Variants in CPNE8 observed in about 807,000 individuals in gnomAD.
CPNE8 encodes the protein copine 8, also known as copine-8.
In CPNE8, 45 loss-of-function variants were observed where a neutral mutation model predicts 81.5. That is an observed-to-expected ratio of 0.55 (90% CI 0.44 to 0.71). CPNE8 has a LOEUF of 0.71. CPNE8 is among the 30% of genes least tolerant of loss of function. CPNE8 has a pLI of 0.00. For synonymous variants in CPNE8, 252 were observed against 226.3 expected (o/e 1.11, Z -1.02); for missense variants, 594 against 672.1 (o/e 0.88, Z 1.28).
chr12:38,761,157 G>A (rs1166066269), intron 9 of CPNE8, among the ~76,000 whole-genome samples: 2 of 152,174 alleles, frequency 1.3e-5, no homozygotes, highest in Non-Finnish European at 2.9e-5. Context: ...TCCTCAAAGG[G>A]ATGGTATGCA....
chr12:38,812,401 A>G (rs1942952609), intron 6 of CPNE8, among the ~76,000 whole-genome samples: 1 of 152,224 alleles, frequency 6.6e-6, no homozygotes, highest in Non-Finnish European at 1.5e-5. Flanking sequence ...CAGAAAACTT[A>G]CAATCATGGC....
intron 11 of CPNE8, 42 bp downstream of exon 11, chr12:38,730,241 T>C: frequency 8.5e-7 from 1 of 1,182,186 alleles, no homozygotes; most frequent in Non-Finnish European, 1.3e-6. Flanking sequence ...ACAGATTTAT[T>C]TATTCTAGAA....
chr12:38,895,633 C>T (rs1300935189), intron 1 of CPNE8, among the ~76,000 whole-genome samples: 1 of 152,068 alleles, frequency 6.6e-6, no homozygotes, highest in African/African-American at 2.4e-5. Flanking sequence ...AAGCTCTCAC[C>T]AGTAGGGAAC....
rs183962476 is a variant in CPNE8, at chr12:38,783,933, A to G, written c.408-7632T>C. ...GCCCAGACAGTGAAGACTAAAATAAATACCTAACTCTTCAATGCTTCAATG... is the reference window on the plus strand; with the variant it reads ...GCCCAGACAGTGAAGACTAAAATAAGTACCTAACTCTTCAATGCTTCAATG... On this transcript the variant is annotated intron_variant, in intron 6 of 19. Coordinates refer to ENST00000331366, the MANE Select transcript of CPNE8 (RefSeq NM_153634.3). Among the ~76,000 whole-genome samples the G allele has an allele frequency of 3.7e-4, 57 of 152,332 alleles. 1 individual carries two copies. The East Asian group carries it at 0.011, about 28-fold the overall frequency.
At chr12:38,781,997 G>C (rs1303130250) in intron 6 of CPNE8, among the ~76,000 whole-genome samples, 1 of 152,046 alleles carries the variant, frequency 6.6e-6, no homozygotes, top group Non-Finnish European at 1.5e-5. Flanking sequence ...ATGAATTCTG[G>C]TATAAAAAGA....
chr12:38,714,993 G>A (rs1940350540), intron 13 of CPNE8, among the ~76,000 whole-genome samples: 1 of 152,070 alleles, frequency 6.6e-6, no homozygotes, highest in African/African-American at 2.4e-5. Context: ...GTATTTAAAT[G>A]TGTCTTTTCT....
chr12:38,805,461 T>G (rs1159918728), intron 6 of CPNE8, among the ~76,000 whole-genome samples: 1 of 82,462 alleles, frequency 1.2e-5, no homozygotes, highest in Non-Finnish European at 2.4e-5. Context: ...AATTGAACAA[T>G]GAGATCACAT....
At chr12:38,889,880 T>C (rs943246466) in intron 1 of CPNE8, among the ~76,000 whole-genome samples, 1 of 152,112 alleles carries the variant, frequency 6.6e-6, no homozygotes, top group African/African-American at 2.4e-5. Context: ...ATTGGGGGCA[T>C]AGAGAAAATG....
At chr12:38,791,896 AC>A (rs571450337) in intron 6 of CPNE8, among the ~76,000 whole-genome samples, 156 of 151,750 alleles carry the variant, frequency 1.0e-3, no homozygotes, top group African/African-American at 3.4e-3. Context: ...TTTTTCAATT[AC>A]AATGGAATGA....
At chr12:38,896,432 G>A (rs928303268) in intron 1 of CPNE8, among the ~76,000 whole-genome samples, 7 of 152,066 alleles carry the variant, frequency 4.6e-5, no homozygotes, top group African/African-American at 1.7e-4. Context: ...CCTGGGTCAG[G>A]CACCTTTTAA....
At chr12:38,818,494 G>A (rs575712083) in intron 6 of CPNE8, among the ~76,000 whole-genome samples, 2 of 152,262 alleles carry the variant, frequency 1.3e-5, no homozygotes, top group African/African-American at 4.8e-5. Flanking sequence ...AGTATTCTAT[G>A]GTGTATATGT....
At position 38,873,195 on chromosome 12, in the gene CPNE8, C is replaced by T. The variant is rs200793830; in HGVS notation, c.140-145G>A. ...GACTTACCCTTGCAAAAAAAAAAGGCTAGTAAATCATCATATGACTAAAAA... is the reference window on the plus strand; with the variant it reads ...GACTTACCCTTGCAAAAAAAAAAGGTTAGTAAATCATCATATGACTAAAAA... On this transcript the variant is annotated intron_variant, in intron 2 of 19. Coordinates refer to ENST00000331366, the MANE Select transcript of CPNE8 (RefSeq NM_153634.3). 5.4e-6 allele frequency: 3 copies of T among 560,192 alleles called. No individual in the cohort carries two copies. In the East Asian group the frequency reaches 9.7e-5, roughly 18 times the overall value. The allele number at this position is 560,192 out of a possible 1,614,324, so 34.7% of individuals were successfully genotyped here. A position where few individuals can be genotyped will look rare whatever the true frequency, so the allele number is the denominator to read the frequency against.
chr12:38,710,670 T>C (rs1318918052), intron 13 of CPNE8, among the ~76,000 whole-genome samples: 1 of 152,222 alleles, frequency 6.6e-6, no homozygotes, highest in African/African-American at 2.4e-5. Context: ...AGAGAGTTCT[T>C]TCTTTATATT....
At chr12:38,731,943 T>C (rs1012191939) in intron 10 of CPNE8, among the ~76,000 whole-genome samples, 1 of 151,928 alleles carries the variant, frequency 6.6e-6, no homozygotes, top group African/African-American at 2.4e-5. Context: ...GGTTTTTTTT[T>C]AGAATCCATC....
intron 9 of CPNE8, among the ~76,000 whole-genome samples, chr12:38,761,857 C>T (rs1468549330): frequency 1.3e-5 from 2 of 152,096 alleles, no homozygotes; most frequent in Non-Finnish European, 2.9e-5. Context: ...TTGCAACTTT[C>T]GTGTTTCTAC....
chr12:38,904,894 T>A (rs1005179058), intron 1 of CPNE8, among the ~76,000 whole-genome samples: 8 of 152,070 alleles, frequency 5.3e-5, no homozygotes, highest in African/African-American at 1.9e-4. Context: ...GGCCGAAATC[T>A]CTACCTATCA....
intron 10 of CPNE8, among the ~76,000 whole-genome samples, chr12:38,743,164 G>A (rs1015862077): frequency 1.6e-4 from 24 of 151,880 alleles, no homozygotes; most frequent in Non-Finnish European, 3.1e-4. Context: ...AAGCAAACCC[G>A]TTTATGACCT....
At chr12:38,690,143 G>A (rs1056390821) in intron 15 of CPNE8, among the ~76,000 whole-genome samples, 1 of 152,254 alleles carries the variant, frequency 6.6e-6, no homozygotes, top group East Asian at 1.9e-4. Context: ...AGATAAATAG[G>A]TTAATGTTAG....
At chr12:38,733,343 C>A (rs1940880429) in intron 10 of CPNE8, among the ~76,000 whole-genome samples, 1 of 151,798 alleles carries the variant, frequency 6.6e-6, no homozygotes, top group South Asian at 2.1e-4. Context: ...TTATATTTTA[C>A]ACTATTACCA....
Sources: gnomAD v4.1 joint callset for allele counts (sites outside exome capture counted in the v4.1 genomes callset) on GRCh38, gnomAD v4.1.1 for gene constraint, MANE v1.5 for transcripts, NCBI Gene and HGNC (gene_info 2026-07-23, HGNC 2026-07-21) for gene names.